The following USP45 variants were observed in gnomAD, a reference collection of about 807,000 sequenced individuals.
USP45 encodes the protein ubiquitin carboxyl-terminal hydrolase 45.
In USP45, 89 loss-of-function variants were observed where a neutral mutation model predicts 95.8. That is an observed-to-expected ratio of 0.93 (90% CI 0.78 to 1.11). USP45 has a LOEUF of 1.11. Ranked by LOEUF, USP45 falls within the 50% of genes least tolerant of loss-of-function variation. The probability of loss-of-function intolerance (pLI) is 0.00; values close to 1 mark genes in which losing one functional copy is unlikely to be tolerated. For missense variants in USP45, 898 were observed against 942.5 expected (o/e 0.95, Z 0.62); for synonymous variants, 281 against 316.2 (o/e 0.89, Z 1.18).
At chr6:99,454,947 C>T (rs62432296) in intron 13 of USP45, among the ~76,000 whole-genome samples, 11,096 of 151,684 alleles carry the variant, frequency 0.073, 499 homozygotes, top group Middle Eastern at 0.16. Flanking sequence ...AAAATAAGCC[C>T]GGTGTGATGG....
chr6:99,457,393 G>C (rs1361842403), intron 13 of USP45, among the ~76,000 whole-genome samples: 2 of 152,130 alleles, frequency 1.3e-5, no homozygotes, highest in Non-Finnish European at 2.9e-5. Flanking sequence ...CCCAGCTTTA[G>C]AATTTCTCTC....
At chr6:99,512,736 A>C (rs1047794565) in intron 1 of USP45, among the ~76,000 whole-genome samples, 1 of 152,220 alleles carries the variant, frequency 6.6e-6, no homozygotes, top group African/African-American at 2.4e-5. Flanking sequence ...AAGTTGCAAT[A>C]AATTAAGGGC....
rs772462000 is a variant in USP45, at chr6:99,446,198, C to T, written c.1574G>A (p.Gly525Glu). 3 of 1,614,172 alleles carry T rather than the reference C, an allele frequency of 1.9e-6. No homozygotes were observed. In the South Asian group the frequency reaches 3.3e-5, roughly 18 times the overall value. Reference sequence around the variant, plus strand: ...GGGTCCATCTGGCTGCACACCGGATCCACTACTGGATCTGAACAGCCCAGT... The same window carrying T: ...GGGTCCATCTGGCTGCACACCGGATTCACTACTGGATCTGAACAGCCCAGT... ...KQTGLFRSSSGSGVQPDGPLY... is the reference protein window; with the variant it reads ...KQTGLFRSSSESGVQPDGPLY... Residue 525 changes from glycine (G) to glutamate (E), a missense_variant, in exon 14 of 18, where the codon GGA becomes GAA. Gly to Glu is a moderately conservative substitution (Grantham distance 98). Coordinates refer to ENST00000500704, the MANE Select transcript of USP45 (RefSeq NM_001346022.3).
chr6:99,463,430 A>G (rs1330942148), intron 13 of USP45, among the ~76,000 whole-genome samples: 1 of 152,356 alleles, frequency 6.6e-6, no homozygotes, highest in African/African-American at 2.4e-5. Context: ...TCAGAGGAGA[A>G]ATAAAGGTGA....
chr6:99,452,007 T>C (rs1196155672), intron 13 of USP45, among the ~76,000 whole-genome samples: 1 of 152,198 alleles, frequency 6.6e-6, no homozygotes, highest in Non-Finnish European at 1.5e-5. Flanking sequence ...ATCCCTTCCT[T>C]ACACCTTATA....
chr6:99,481,085 CCT>C (rs1792286409), intron 8 of USP45, among the ~76,000 whole-genome samples: 1 of 152,030 alleles, frequency 6.6e-6, no homozygotes. Context: ...AGAGCGAGAC[CCT>C]GTCTCCTAAA....
chr6:99,472,141 CT>C (rs997830421), intron 9 of USP45, among the ~76,000 whole-genome samples: 3 of 151,420 alleles, frequency 2.0e-5, no homozygotes, highest in African/African-American at 7.3e-5. Flanking sequence ...ATATATTTTA[CT>C]TTTTTTATAA....
chr6:99,476,836 A>C (rs1790998671), intron 8 of USP45, among the ~76,000 whole-genome samples: 1 of 152,230 alleles, frequency 6.6e-6, no homozygotes, highest in Non-Finnish European at 1.5e-5. Context: ...AAAGGACTAT[A>C]AGTTGATCTC....
chr6:99,442,630 T>C (rs1781735130), intron 15 of USP45, among the ~76,000 whole-genome samples: 1 of 152,116 alleles, frequency 6.6e-6, no homozygotes, highest in Non-Finnish European at 1.5e-5. Flanking sequence ...GCGGATCACC[T>C]GAGGTCAGGA....
intron 9 of USP45, among the ~76,000 whole-genome samples, chr6:99,472,702 C>A (rs1789750544): frequency 6.6e-6 from 1 of 152,212 alleles, no homozygotes; most frequent in East Asian, 1.9e-4. Flanking sequence ...CCCACCGTGC[C>A]AACATGCATC....
chr6:99,455,061 G>T (rs1384200372), intron 13 of USP45, among the ~76,000 whole-genome samples: 1 of 142,034 alleles, frequency 7.0e-6, no homozygotes, highest in East Asian at 2.0e-4. Flanking sequence ...CTGCACTCCA[G>T]CCCGGGTGAC....
At chr6:99,494,643 C>A (rs964680304) in intron 5 of USP45, among the ~76,000 whole-genome samples, 2 of 151,966 alleles carry the variant, frequency 1.3e-5, no homozygotes, top group Non-Finnish European at 2.9e-5. Context: ...GCCTGTAATC[C>A]CAGCACTTTG....
chr6:99,452,217 A>C (rs1174599019), intron 13 of USP45, among the ~76,000 whole-genome samples: 2 of 152,240 alleles, frequency 1.3e-5, no homozygotes, highest in East Asian at 3.8e-4. Context: ...GCACATGAAA[A>C]GAAACTACCA....
At chr6:99,452,299 C>T (rs1784056602) in intron 13 of USP45, among the ~76,000 whole-genome samples, 1 of 152,108 alleles carries the variant, frequency 6.6e-6, no homozygotes, top group African/African-American at 2.4e-5. Context: ...GGGCAAATAT[C>T]CAGAATCTAC....
chr6:99,464,965 A>T, intron 12 of USP45, 115 bp downstream of exon 12: 1 of 993,990 alleles, frequency 1.0e-6, no homozygotes, highest in Non-Finnish European at 1.4e-6. Flanking sequence ...ATACAAACTC[A>T]ATTATATATA....
At chr6:99,504,283 G>A (rs1398880980) in intron 4 of USP45, among the ~76,000 whole-genome samples, 1 of 152,172 alleles carries the variant, frequency 6.6e-6, no homozygotes, top group Admixed American at 6.5e-5. Flanking sequence ...GGGATTACAG[G>A]CATGCACCAC....
chr6:99,511,845 G>GTGTATATA (rs1373324266), intron 1 of USP45, among the ~76,000 whole-genome samples: 3 of 22,800 alleles, frequency 1.3e-4, no homozygotes, highest in Admixed American at 4.2e-4. Context: ...GTGAGTGTGT[G>GTGTATATA]TATATATATA....
At chr6:99,462,145 GA>G in intron 13 of USP45, 4 of 981,316 alleles carry the variant, frequency 4.1e-6, no homozygotes, top group East Asian at 1.1e-4. Context: ...TCTATTACAT[GA>G]AAAAAACGTT....
intron 11 of USP45, 70 bp downstream of exon 11, chr6:99,466,602 G>A (rs1277305513): frequency 7.6e-7 from 1 of 1,307,594 alleles, no homozygotes. Flanking sequence ...GATTATATGT[G>A]AAAGAAAATA....
Sources: gnomAD v4.1 joint callset for allele counts (sites outside exome capture counted in the v4.1 genomes callset) on GRCh38, gnomAD v4.1.1 for gene constraint, MANE v1.5 for transcripts, NCBI Gene and HGNC (gene_info 2026-07-23, HGNC 2026-07-21) for gene names.